FOCAD: variants seen among roughly 807,000 people sequenced by gnomAD.
FOCAD encodes the protein focadhesin, also known as KIAA1797.
Under a neutral mutation model 225.6 loss-of-function variants are expected in FOCAD, and 198 were observed. The ratio of observed to expected loss-of-function variants is 0.88; its 90% CI spans 0.78 to 0.99. The LOEUF (loss-of-function observed/expected upper bound fraction) is 0.99, where lower values mean the gene tolerates loss of function less well. Among genes scored for constraint, FOCAD ranks in the 50% least tolerant of loss-of-function variants. FOCAD has a pLI of 0.00. For missense variants in FOCAD, 2,713 were observed against 2,123.6 expected, an observed-to-expected ratio of 1.28 and a Z score of -5.46; for synonymous variants, 897 against 755.0, an observed-to-expected ratio of 1.19 and a Z score of -3.08.
intron 31 of FOCAD, 97 bp downstream of exon 31, chr9:20,948,490 A>G: frequency 7.5e-7 from 1 of 1,329,328 alleles, no homozygotes. Flanking sequence ...TATATACGTT[A>G]ATGGTAAAAG....
intron 19 of FOCAD, 155 bp downstream of exon 19, chr9:20,874,962 C>A: frequency 2.1e-6 from 2 of 934,250 alleles, no homozygotes; most frequent in Non-Finnish European, 3.3e-6. Flanking sequence ...ATTGAAACAG[C>A]TTGAGGTAGT....
At chr9:20,842,803 CT>C (rs1826675985) in intron 15 of FOCAD, among the ~76,000 whole-genome samples, 1 of 151,864 alleles carries the variant, frequency 6.6e-6, no homozygotes, top group South Asian at 2.1e-4. Context: ...ACCATACATC[CT>C]TCCTGTCTTC....
chr9:20,944,086 C>G (rs1293671475), intron 28 of FOCAD, among the ~76,000 whole-genome samples: 1 of 152,182 alleles, frequency 6.6e-6, no homozygotes, highest in Non-Finnish European at 1.5e-5. Flanking sequence ...CAAACAGTTT[C>G]TTTAGGAAAG....
At position 20,871,654 on chromosome 9, in the gene FOCAD, T is replaced by A. The variant is rs535448670; in HGVS notation, c.2191-3027T>A. 1.8e-3 allele frequency among the ~76,000 whole-genome samples: 244 copies of A among 135,004 alleles called. 1 individual carries two copies. The East Asian group carries it at 0.02, about 11-fold the overall frequency. 88.6% of individuals were successfully genotyped at this position (135,004 alleles called of 152,430 possible). A position where few individuals can be genotyped will look rare whatever the true frequency, so the allele number is the denominator to read the frequency against. On this transcript the variant is annotated intron_variant, in intron 18 of 43. Transcript: ENST00000338382. Reference sequence around the variant, plus strand: ...AAATAACCTATGGAAATAAAAAATTTAAAAAAAAAAACCAAACACCGCATG... The same window carrying A: ...AAATAACCTATGGAAATAAAAAATTAAAAAAAAAAAACCAAACACCGCATG...
At chr9:20,894,317 A>G (rs530927785) in intron 21 of FOCAD, among the ~76,000 whole-genome samples, 2 of 152,196 alleles carry the variant, frequency 1.3e-5, no homozygotes, top group Non-Finnish European at 2.9e-5. Context: ...TTTAGCAAAT[A>G]TGTATAAAAC....
At chr9:20,701,021 T>C (rs1823899965) in intron 1 of FOCAD, among the ~76,000 whole-genome samples, 1 of 152,192 alleles carries the variant, frequency 6.6e-6, no homozygotes, top group Admixed American at 6.5e-5. Flanking sequence ...AGCTGCTATA[T>C]AGATGGAAAC....
intron 2 of FOCAD, chr9:20,716,211 C>A: frequency 2.4e-6 from 1 of 418,012 alleles, no homozygotes; most frequent in South Asian, 1.9e-5. Flanking sequence ...CAGGTCCTTA[C>A]CATGAAGAAG....
chr9:20,928,801 T>A (rs1835191427), intron 26 of FOCAD: 1 of 152,240 alleles, frequency 6.6e-6, no homozygotes, highest in Middle Eastern at 3.2e-3. Context: ...AAATAATCCA[T>A]CTACTGGGAA....
chr9:20,781,615 C>G (rs1587138994), intron 9 of FOCAD, 112 bp from the exon 10 acceptor site: 4 of 804,190 alleles, frequency 5.0e-6, no homozygotes, highest in Non-Finnish European at 8.4e-6. Flanking sequence ...TGTGTCTGAC[C>G]CAGTTATAAA....
intron 10 of FOCAD, chr9:20,787,039 C>T (rs1249397491): frequency 2.4e-6 from 1 of 416,042 alleles, no homozygotes; most frequent in South Asian, 1.8e-5. Flanking sequence ...TGGCAGCTGT[C>T]ACTCAATGGG....
intron 15 of FOCAD, among the ~76,000 whole-genome samples, chr9:20,843,995 G>T (rs1361181951): frequency 6.6e-6 from 1 of 152,006 alleles, no homozygotes; most frequent in Non-Finnish European, 1.5e-5. Flanking sequence ...GACAACCTTG[G>T]GCCAGGCAAG....
intron 4 of FOCAD, among the ~76,000 whole-genome samples, chr9:20,734,258 T>A (rs1419545501): frequency 1.3e-5 from 2 of 152,170 alleles, no homozygotes; most frequent in Non-Finnish European, 2.9e-5. Flanking sequence ...TAAAGGTTCC[T>A]TCAAATCTTG....
intron 1 of FOCAD, among the ~76,000 whole-genome samples, chr9:20,695,467 G>T (rs1382850358): frequency 6.6e-6 from 1 of 152,068 alleles, no homozygotes; most frequent in South Asian, 2.1e-4. Flanking sequence ...CCGTAAACAT[G>T]CTTTCATTTT....
intron 21 of FOCAD, among the ~76,000 whole-genome samples, chr9:20,886,688 A>G (rs1327498767): frequency 6.6e-6 from 1 of 152,202 alleles, no homozygotes; most frequent in African/African-American, 2.4e-5. Flanking sequence ...GTCAATTAGA[A>G]GGCGTATTGG....
intron 21 of FOCAD, among the ~76,000 whole-genome samples, chr9:20,900,099 T>A (rs1587548187): frequency 6.6e-6 from 1 of 151,984 alleles, no homozygotes; most frequent in Non-Finnish European, 1.5e-5. Flanking sequence ...TGAAGGTGAA[T>A]GATAGTTTCC....
chr9:20,819,766 TA>T (rs763917457), intron 11 of FOCAD, 29 bp from the exon 12 acceptor site: 1 of 1,213,470 alleles, frequency 8.2e-7, no homozygotes, highest in South Asian at 1.6e-5. Flanking sequence ...TAACAAGGCA[TA>T]TTTAATATAT....
intron 27 of FOCAD, among the ~76,000 whole-genome samples, chr9:20,932,420 C>T (rs1835570604): frequency 6.6e-6 from 1 of 152,066 alleles, no homozygotes; most frequent in Non-Finnish European, 1.5e-5. Flanking sequence ...AACCATAGAA[C>T]CTTTTAAGTT....
chr9:20,788,049 C>T (rs1286865602), intron 10 of FOCAD, among the ~76,000 whole-genome samples: 1 of 152,078 alleles, frequency 6.6e-6, no homozygotes, highest in East Asian at 1.9e-4. Flanking sequence ...TCATTATCGC[C>T]AAAATGTGGA....
In FOCAD at chr9:20,981,444, C is replaced by T. The variant is rs1402597612; in HGVS notation, c.4396C>T (p.Leu1466Phe). The T allele has an allele frequency of 6.2e-7, 1 of 1,614,048 alleles. No homozygotes were observed. The highest frequency in any genetic ancestry group is 8.5e-7 in the Non-Finnish European group (1 of 1,179,998). Residue 1466 changes from leucine to phenylalanine, a missense_variant, in exon 38 of 44, where the codon CTC (leucine) becomes TTC (phenylalanine). By Grantham distance (22) the Leu-to-Phe change is conservative (BLOSUM62 0). Coordinates refer to ENST00000338382, the MANE Select transcript of FOCAD (RefSeq NM_001375567.1). ...HSLSLNTKRY[L>F]LISAPLWIKH... Reference sequence around the variant, plus strand: ...CTTCCAGCTGAATACCAAGAGATATCTCCTGATATCTGCACCTCTGTGGAT... The same window carrying T: ...CTTCCAGCTGAATACCAAGAGATATTTCCTGATATCTGCACCTCTGTGGAT...
Sources: allele counts gnomAD v4.1 joint callset (sites outside exome capture counted in the v4.1 genomes callset), GRCh38; gene constraint gnomAD v4.1.1; transcripts MANE v1.5; gene names NCBI Gene and HGNC (gene_info 2026-07-23, HGNC 2026-07-21).